ST6GALNAC3: variants seen among roughly 807,000 people sequenced by gnomAD.
The protein encoded by ST6GALNAC3 is ST6 N-acetylgalactosaminide alpha-2,6-sialyltransferase 3.
A neutral mutation model predicts 32.7 loss-of-function variants in ST6GALNAC3; 25 were observed. The observed-to-expected ratio is 0.76, with a 90% CI of 0.56 to 1.07. The LOEUF (loss-of-function observed/expected upper bound fraction) is 1.07, where lower values mean the gene tolerates loss of function less well. ST6GALNAC3 is among the 50% of genes least tolerant of loss of function. ST6GALNAC3 has a pLI of 0.00. For missense variants in ST6GALNAC3, 355 were observed against 382.4 expected (o/e 0.93, Z 0.60); for synonymous variants, 129 against 133.1 (o/e 0.97, Z 0.21).
At chr1:76,190,477 T>C (rs1653829329) in intron 1 of ST6GALNAC3, among the ~76,000 whole-genome samples, 1 of 152,138 alleles carries the variant, frequency 6.6e-6, no homozygotes, top group Non-Finnish European at 1.5e-5. Flanking sequence ...AAACAAAACA[T>C]TAGCAAATAA....
chr1:76,301,656 C>G (rs958541426), intron 1 of ST6GALNAC3, among the ~76,000 whole-genome samples: 1 of 151,722 alleles, frequency 6.6e-6, no homozygotes, highest in African/African-American at 2.4e-5. Flanking sequence ...GCTTGTGTTT[C>G]GGTGAAAGAC....
At chr1:76,508,591 A>G (rs1661630144) in intron 3 of ST6GALNAC3, among the ~76,000 whole-genome samples, 1 of 152,104 alleles carries the variant, frequency 6.6e-6, no homozygotes. Flanking sequence ...GTCTACCCCT[A>G]CAGCCCCAGT....
At chr1:76,080,846 A>G (rs1646884644) in intron 1 of ST6GALNAC3, among the ~76,000 whole-genome samples, 1 of 152,152 alleles carries the variant, frequency 6.6e-6, no homozygotes, top group South Asian at 2.1e-4. Context: ...CTGCTATGAC[A>G]TTTCTTATTG....
At chr1:76,100,969 C>A (rs907814699) in intron 1 of ST6GALNAC3, among the ~76,000 whole-genome samples, 2 of 152,036 alleles carry the variant, frequency 1.3e-5, no homozygotes, top group Non-Finnish European at 2.9e-5. Context: ...TGACCAAGAT[C>A]CCCCATCAGG....
At chr1:76,351,755 G>A (rs1214991695) in intron 2 of ST6GALNAC3, among the ~76,000 whole-genome samples, 1 of 152,068 alleles carries the variant, frequency 6.6e-6, no homozygotes, top group African/African-American at 2.4e-5. Context: ...ATTATTAGTA[G>A]TACTCTCTTT....
chr1:76,137,838 G>A (rs1650047501), intron 1 of ST6GALNAC3, among the ~76,000 whole-genome samples: 2 of 152,134 alleles, frequency 1.3e-5, no homozygotes, highest in South Asian at 4.1e-4. Context: ...GAATTTCTTG[G>A]TTTCGGCCAT....
chr1:76,510,750 C>T (rs960149597), intron 3 of ST6GALNAC3, among the ~76,000 whole-genome samples: 5 of 152,108 alleles, frequency 3.3e-5, no homozygotes, highest in Admixed American at 6.5e-5. Flanking sequence ...CCTGGCTTAC[C>T]GGAAACATGC....
intron 3 of ST6GALNAC3, among the ~76,000 whole-genome samples, chr1:76,599,817 GT>G (rs1242081625): frequency 1.4e-5 from 2 of 147,400 alleles, no homozygotes; most frequent in Non-Finnish European, 1.5e-5. Context: ...ACAATTTATT[GT>G]TTTGGGTGAT....
At chr1:76,622,601 A>C (rs1180051517) in intron 3 of ST6GALNAC3, among the ~76,000 whole-genome samples, 1 of 151,958 alleles carries the variant, frequency 6.6e-6, no homozygotes. Context: ...GATAAAATGT[A>C]TAAGAGAACT....
At chr1:76,414,183 A>G (rs1654460794) in intron 3 of ST6GALNAC3, among the ~76,000 whole-genome samples, 1 of 152,094 alleles carries the variant, frequency 6.6e-6, no homozygotes, top group Non-Finnish European at 1.5e-5. Flanking sequence ...TCGTAGGAAA[A>G]TTACTAGGTA....
chr1:76,545,632 A>C (rs1664247777), intron 3 of ST6GALNAC3, among the ~76,000 whole-genome samples: 1 of 151,364 alleles, frequency 6.6e-6, no homozygotes, highest in African/African-American at 2.4e-5. Context: ...ACTGCAACTT[A>C]GAAGATTGCT....
intron 2 of ST6GALNAC3, among the ~76,000 whole-genome samples, chr1:76,363,697 A>G (rs1250291653): frequency 3.3e-5 from 5 of 152,214 alleles, no homozygotes; most frequent in African/African-American, 1.2e-4. Flanking sequence ...ACAGTTCTAC[A>G]GGCTATGCAG....
chr1:76,350,186 T>C lies in ST6GALNAC3; in HGVS notation c.213+36187T>C, dbSNP rs111770932. Among the ~76,000 whole-genome samples the C allele has an allele frequency of 2.7e-3, 417 of 152,154 alleles. 1 individual carries two copies. The highest frequency in any genetic ancestry group is 9.4e-3 in the African/African-American group (389 of 41,496). On this transcript the variant is annotated intron_variant, in intron 2 of 4. Transcript: ENST00000328299. The stretch of plus-strand genomic sequence containing the variant: ...TTTCAAAATCCAGATTTTAAAAAGG[T>C]TATTTTTGATTTTTATTTTTTAAAG...
chr1:76,456,409 C>G (rs1381446071), intron 3 of ST6GALNAC3, among the ~76,000 whole-genome samples: 1 of 151,914 alleles, frequency 6.6e-6, no homozygotes, highest in African/African-American at 2.4e-5. Context: ...TGCAGTGGTG[C>G]AATCTCGGCT....
At chr1:76,404,601 G>A (rs1653683829) in intron 2 of ST6GALNAC3, among the ~76,000 whole-genome samples, 1 of 152,046 alleles carries the variant, frequency 6.6e-6, no homozygotes, top group African/African-American at 2.4e-5. Flanking sequence ...TATACATGTT[G>A]AAGCCTCTAA....
chr1:76,441,423 T>C (rs963786309), intron 3 of ST6GALNAC3, among the ~76,000 whole-genome samples: 5 of 152,088 alleles, frequency 3.3e-5, no homozygotes, highest in African/African-American at 1.2e-4. Flanking sequence ...AGGAAGGAAC[T>C]ATAGGAAAAA....
intron 3 of ST6GALNAC3, among the ~76,000 whole-genome samples, chr1:76,491,378 G>A (rs959704475): frequency 6.6e-6 from 1 of 152,090 alleles, no homozygotes; most frequent in Non-Finnish European, 1.5e-5. Flanking sequence ...ACTGTGCTGG[G>A]AAACTTTCAG....
chr1:76,587,289 A>G (rs1484202430), intron 3 of ST6GALNAC3, among the ~76,000 whole-genome samples: 1 of 152,150 alleles, frequency 6.6e-6, no homozygotes, highest in African/African-American at 2.4e-5. Flanking sequence ...TTGGCAGAAC[A>G]TATTGTCTGA....
chr1:76,183,851 A>AATAT (rs71071991), intron 1 of ST6GALNAC3, among the ~76,000 whole-genome samples: 11,608 of 118,430 alleles, frequency 0.098, 787 homozygotes, highest in African/African-American at 0.11. Flanking sequence ...GTAGTGCATG[A>AATAT]ATATATATAT....
Sources: gnomAD v4.1 joint callset for allele counts (sites outside exome capture counted in the v4.1 genomes callset) on GRCh38, gnomAD v4.1.1 for gene constraint, MANE v1.5 for transcripts, NCBI Gene and HGNC (gene_info 2026-07-23, HGNC 2026-07-21) for gene names.